The following DNAH12 variants were observed in gnomAD, a reference collection of about 807,000 sequenced individuals.
DNAH12 encodes dynein axonemal heavy chain 12, also known as axonemal beta dynein heavy chain 12.
In DNAH12, 285 loss-of-function variants were observed where a neutral mutation model predicts 371.5. The observed-to-expected ratio is 0.77, with a 90% CI of 0.70 to 0.85. DNAH12 has a LOEUF of 0.85. Ranked by LOEUF, DNAH12 falls within the 40% of genes least tolerant of loss-of-function variation. The pLI is 0.00. For missense variants in DNAH12, 3,611 were observed against 3,689.4 expected, an observed-to-expected ratio of 0.98 and a Z score of 0.55; for synonymous variants, 1,200 against 1,213.0, an observed-to-expected ratio of 0.99 and a Z score of 0.22.
At chr3:57,302,567 A>ATATTT (rs2061380979) in intron 69 of DNAH12, among the ~76,000 whole-genome samples, 1 of 27,478 alleles carries the variant, frequency 3.6e-5, no homozygotes, top group African/African-American at 1.3e-4. Context: ...ATATATATGT[A>ATATTT]TTTTTTTTTT....
At position 57,404,964 on chromosome 3, in the gene DNAH12, G is replaced by A. The variant is rs1384966535; in HGVS notation, c.6755+5C>T. 12 of 1,507,132 alleles carry A rather than the reference G, an allele frequency of 8.0e-6. No individual in the cohort carries two copies. Among genetic ancestry groups the A allele is most frequent in the Middle Eastern group, 1.7e-4 (1 of 5,862 alleles). 93.4% of individuals were successfully genotyped at this position (1,507,132 alleles called of 1,614,324 possible). ...ATTTCAAGCATCAACACCATATATAGGTACCTAAAAATGACAAGATTCATT... is the reference window on the plus strand; with the variant it reads ...ATTTCAAGCATCAACACCATATATAAGTACCTAAAAATGACAAGATTCATT... On this transcript the variant is annotated splice_donor_5th_base_variant and intron_variant, in intron 42 of 73. Transcript: ENST00000495027.
At chr3:57,420,777 CGGG>C (rs2064548093) in intron 36 of DNAH12, among the ~76,000 whole-genome samples, 5 of 151,860 alleles carry the variant, frequency 3.3e-5, no homozygotes, top group Non-Finnish European at 7.4e-5. Context: ...GGCGTGGTGG[CGGG>C]CACCTGTAGT....
At chr3:57,504,518 C>T (rs1161363171) in intron 8 of DNAH12, among the ~76,000 whole-genome samples, 1 of 152,148 alleles carries the variant, frequency 6.6e-6, no homozygotes, top group African/African-American at 2.4e-5. Context: ...TCAGGCAATC[C>T]TCCTGTTTCA....
chr3:57,456,190 A>G (rs1412247130), intron 22 of DNAH12, among the ~76,000 whole-genome samples: 1 of 152,366 alleles, frequency 6.6e-6, no homozygotes, highest in East Asian at 1.9e-4. Flanking sequence ...TTCATGGACA[A>G]TGGTGGCTCT....
At chr3:57,304,463 C>T (rs959612183) in intron 69 of DNAH12, among the ~76,000 whole-genome samples, 2 of 152,108 alleles carry the variant, frequency 1.3e-5, no homozygotes, top group African/African-American at 2.4e-5. Context: ...TATCCCTCAA[C>T]CTCTTTCTCC....
At chr3:57,554,299 AT>A in the DNAH12 span, among the ~76,000 whole-genome samples, 5 of 149,212 alleles carry the variant, frequency 3.4e-5, no homozygotes, top group South Asian at 2.1e-4. Context: ...AAATAAAAAA[AT>A]AAAAAAATAA....
At chr3:57,340,368 C>CA (rs2062365058) in intron 60 of DNAH12, among the ~76,000 whole-genome samples, 1 of 150,448 alleles carries the variant, frequency 6.6e-6, no homozygotes, top group Non-Finnish European at 1.5e-5. Context: ...ATCAATGAAA[C>CA]AAAAAGTTGG....
At chr3:57,462,184 G>GTCA (rs1282707756) in intron 18 of DNAH12, among the ~76,000 whole-genome samples, 2 of 152,198 alleles carry the variant, frequency 1.3e-5, no homozygotes, top group Non-Finnish European at 2.9e-5. Context: ...GATCAAAGGA[G>GTCA]TCATTTCTCG....
chr3:57,482,289 GA>G (rs1307794706), intron 13 of DNAH12, among the ~76,000 whole-genome samples: 3 of 152,156 alleles, frequency 2.0e-5, no homozygotes, highest in Non-Finnish European at 4.4e-5. Context: ...CTCAAAAGAA[GA>G]CATTTTTGCA....
intron 4 of DNAH12, among the ~76,000 whole-genome samples, chr3:57,517,788 T>G (rs2068252189): frequency 6.6e-6 from 1 of 152,172 alleles, no homozygotes; most frequent in South Asian, 2.1e-4. Flanking sequence ...GGCTCATGCC[T>G]GTAATCCCAG....
intron 35 of DNAH12, among the ~76,000 whole-genome samples, chr3:57,424,742 G>A (rs190382190): frequency 2.0e-5 from 3 of 148,540 alleles, no homozygotes; most frequent in East Asian, 2.0e-4. Context: ...CTGAGATCAC[G>A]TCACTGCACT....
chr3:57,356,212 C>T (rs988751938), intron 59 of DNAH12, among the ~76,000 whole-genome samples: 1 of 151,980 alleles, frequency 6.6e-6, no homozygotes, highest in Non-Finnish European at 1.5e-5. Context: ...GATGCTGAGT[C>T]GGGCAGATTT....
chr3:57,340,398 A>G (rs1432885312), intron 60 of DNAH12, among the ~76,000 whole-genome samples: 6 of 152,098 alleles, frequency 3.9e-5, no homozygotes. Flanking sequence ...AAGATCAACA[A>G]AATTGACAGA....
chr3:57,531,766 T>TC (rs1479418775), intron 2 of DNAH12, among the ~76,000 whole-genome samples: 57 of 51,622 alleles, frequency 1.1e-3, no homozygotes, highest in African/African-American at 7.0e-3. Context: ...CCACTCCATC[T>TC]CAAAAAAAAA....
At chr3:57,536,543 A>C (rs2069053277) in intron 2 of DNAH12, among the ~76,000 whole-genome samples, 1 of 152,120 alleles carries the variant, frequency 6.6e-6, no homozygotes, top group Non-Finnish European at 1.5e-5. Flanking sequence ...TAAAACTCCT[A>C]AGACTTTCTC....
chr3:57,296,883 A>C lies in DNAH12; in HGVS notation c.11496T>G (p.Tyr3832Ter). ...ATCCTAGCAAATCAATAGGGGTGGT[A>C]TATTTTCTGGCATAATTCTGCATAG... ...TGAMQNYARKYTTPIDLLGYE... is the reference protein window; with the variant it reads ...TGAMQNYARK Residue 3832 changes from tyrosine (Y) to a stop codon, truncating the protein, a stop_gained, in exon 71 of 74, where the codon TAT (tyrosine) becomes TAG (stop). Transcript: ENST00000495027. LOFTEE classifies it high-confidence loss of function. The C allele has an allele frequency of 6.4e-7, 1 of 1,551,646 alleles. No individual in the cohort carries two copies. Among genetic ancestry groups the C allele is most frequent in the Non-Finnish European group, 8.7e-7 (1 of 1,146,950 alleles).
At chr3:57,300,043 C>G (rs944954957) in intron 70 of DNAH12, among the ~76,000 whole-genome samples, 2 of 152,154 alleles carry the variant, frequency 1.3e-5, no homozygotes, top group African/African-American at 4.8e-5. Flanking sequence ...GTAGCCCGAG[C>G]AGCACCACCT....
chr3:57,380,125 A>C (rs1388620529), intron 51 of DNAH12, among the ~76,000 whole-genome samples, 153 bp downstream of exon 51: 1 of 152,176 alleles, frequency 6.6e-6, no homozygotes, highest in African/African-American at 2.4e-5. Context: ...ATGAAAACTC[A>C]TAGTATCATT....
At position 57,387,904 on chromosome 3, in the gene DNAH12, T is replaced by C. The variant is rs912698137; in HGVS notation, c.7306-685A>G. On this transcript the variant is annotated intron_variant, in intron 45 of 73. Transcript: ENST00000495027. ...TAACTTGGGATCCTCATGACTTTGTTAAGCCACAAAAGCCCCACTCTGCTT... is the reference window on the plus strand; with the variant it reads ...TAACTTGGGATCCTCATGACTTTGTCAAGCCACAAAAGCCCCACTCTGCTT... Among the ~76,000 whole-genome samples the C allele has an allele frequency of 4.4e-3, 669 of 152,188 alleles. 6 individuals carry two copies. The highest frequency in any genetic ancestry group is 0.016 in the African/African-American group (647 of 41,534).
Sources: gnomAD v4.1 joint callset for allele counts (sites outside exome capture counted in the v4.1 genomes callset) on GRCh38, gnomAD v4.1.1 for gene constraint, MANE v1.5 for transcripts, NCBI Gene and HGNC (gene_info 2026-07-23, HGNC 2026-07-21) for gene names.